Variants in U2SURP observed in about 807,000 individuals in gnomAD.
U2SURP encodes the protein U2 snRNP associated SURP domain containing.
In U2SURP, 9 loss-of-function variants were observed where a neutral mutation model predicts 144.9. That is an observed-to-expected ratio of 0.06 (90% confidence interval 0.04 to 0.11). The LOEUF is 0.11. Ranked by LOEUF, U2SURP falls within the 10% of genes least tolerant of loss-of-function variation. U2SURP has a pLI of 1.00. For synonymous variants in U2SURP, 408 were observed against 396.8 expected, an observed-to-expected ratio of 1.03 and a Z score of -0.33; for missense variants, 724 against 1,226.7, an observed-to-expected ratio of 0.59 and a Z score of 6.12.
At chr3:143,034,211 C>G (rs921019765) in intron 18 of U2SURP, among the ~76,000 whole-genome samples, 4 of 152,174 alleles carry the variant, frequency 2.6e-5, no homozygotes, top group African/African-American at 9.7e-5. Context: ...CGAGACCACC[C>G]TGGCCAACGT....
intron 6 of U2SURP, among the ~76,000 whole-genome samples, chr3:143,018,514 T>C (rs1024428688): frequency 3.3e-5 from 5 of 152,166 alleles, no homozygotes; most frequent in African/African-American, 1.2e-4. Context: ...TAAACATTCA[T>C]GTGTGGGCTT....
chr3:143,025,121 AATC>A (rs1933051133), intron 13 of U2SURP, among the ~76,000 whole-genome samples: 1 of 144,512 alleles, frequency 6.9e-6, no homozygotes, highest in Non-Finnish European at 1.6e-5. Flanking sequence ...GATTTTAAAT[AATC>A]ATGAAACATT....
At position 143,051,008 on chromosome 3, in the gene U2SURP, C is replaced by G. The variant is rs1934827115; in HGVS notation, c.2614C>G (p.Gln872Glu). 6.2e-7 allele frequency: 1 copy of G among 1,612,852 alleles called. No individual in the cohort carries two copies. Among genetic ancestry groups the G allele is most frequent in the African/African-American group, 1.3e-5 (1 of 74,870 alleles). The change falls in exon 25 of 28, where the codon CAG (glutamine) becomes GAG (glutamate). Residue 872 changes from glutamine (Q) to glutamate (E), a missense_variant. Coordinates refer to ENST00000473835, the MANE Select transcript of U2SURP (RefSeq NM_001080415.2). Reference protein sequence around the residue: ...KRPKKPGQSFQEQVEHYRDKL... With the variant: ...KRPKKPGQSFEEQVEHYRDKL... ...ACCTAAAAAACCAGGCCAGAGTTTT[C>G]AGGAGCAAGTAGAACACTACAGAGA...
intron 23 of U2SURP, among the ~76,000 whole-genome samples, chr3:143,042,094 A>G (rs1934146410): frequency 6.6e-6 from 1 of 152,070 alleles, no homozygotes; most frequent in South Asian, 2.1e-4. Context: ...AGCTTTACAC[A>G]CAGTTGCCTG....
At chr3:143,051,500 G>T (rs1313353654) in intron 25 of U2SURP, among the ~76,000 whole-genome samples, 4 of 149,224 alleles carry the variant, frequency 2.7e-5, no homozygotes, top group Admixed American at 1.4e-4. Context: ...TGAGCTCTGA[G>T]TGTTTGAGGG....
At chr3:143,025,573 G>A (rs562810967) in intron 13 of U2SURP, among the ~76,000 whole-genome samples, 2 of 151,926 alleles carry the variant, frequency 1.3e-5, no homozygotes, top group African/African-American at 2.4e-5. Context: ...TTACATTATC[G>A]CCCTTCCTTC....
At chr3:143,030,016 G>A (rs1933387816) in intron 16 of U2SURP, among the ~76,000 whole-genome samples, 1 of 152,190 alleles carries the variant, frequency 6.6e-6, no homozygotes, top group Non-Finnish European at 1.5e-5. Flanking sequence ...GCAGTGATTG[G>A]TTTTTGAGGT....
In U2SURP at chr3:143,044,289, CTT is replaced by C. The variant is rs56916268; in HGVS notation, c.2544+1029_2544+1030del. On this transcript the variant is annotated intron_variant, in intron 24 of 27. Transcript: ENST00000473835. ...TTTCCCTTTTCCCCTCTCCCCTCTC[CTT>C]TTTTTTTTTTTTTTTGAGACGGGGT... is the stretch of plus-strand genomic sequence containing the variant. Among the ~76,000 whole-genome samples, 70 of 81,372 alleles carry C rather than the reference CTT, an allele frequency of 8.6e-4. 1 individual carries two copies. The highest frequency in any genetic ancestry group is 2.0e-3 in the Admixed American group (13 of 6,432). 53.4% of individuals were successfully genotyped at this position (81,372 alleles called of 152,430 possible).
chr3:143,019,239 G>C (rs1936520235), intron 6 of U2SURP, among the ~76,000 whole-genome samples: 1 of 152,082 alleles, frequency 6.6e-6, no homozygotes, highest in East Asian at 1.9e-4. Flanking sequence ...GGTTGTCTTT[G>C]CATTTTCTTG....
At chr3:143,027,283 A>G (rs917779004) in intron 14 of U2SURP, 30 bp downstream of exon 14, 2 of 1,547,440 alleles carry the variant, frequency 1.3e-6, no homozygotes, top group East Asian at 2.2e-5. Flanking sequence ...TGTGAAATAT[A>G]TGTAACATAA....
At chr3:143,051,950 C>T (rs185444271) in intron 25 of U2SURP, among the ~76,000 whole-genome samples, 1 of 152,090 alleles carries the variant, frequency 6.6e-6, no homozygotes, top group Admixed American at 6.5e-5. Context: ...ATAGGCATCT[C>T]AATTAGGAGA....
intron 26 of U2SURP, 52 bp from the exon 27 acceptor site, chr3:143,054,891 A>C: frequency 1.3e-6 from 2 of 1,484,760 alleles, no homozygotes; most frequent in Non-Finnish European, 1.8e-6. Context: ...AGGAAAATGA[A>C]TACCCGATCC....
chr3:143,040,111 A>G (rs1934027956), intron 23 of U2SURP, among the ~76,000 whole-genome samples: 1 of 151,868 alleles, frequency 6.6e-6, no homozygotes, highest in Admixed American at 6.6e-5. Context: ...TAGTATACGT[A>G]CTCATAAAAT....
intron 12 of U2SURP, chr3:143,023,279 AC>A: frequency 2.1e-6 from 1 of 476,554 alleles, no homozygotes; most frequent in Non-Finnish European, 3.7e-6. Flanking sequence ...TCCTTTTTTG[AC>A]CACTTGTTAA....
chr3:143,006,408 G>A (rs1935835461), intron 1 of U2SURP, among the ~76,000 whole-genome samples: 1 of 152,094 alleles, frequency 6.6e-6, no homozygotes, highest in South Asian at 2.1e-4. Context: ...AGACTCTGTC[G>A]CTTGCCAGAT....
At position 143,059,627 on chromosome 3, in the gene U2SURP, T is replaced by C. The variant is rs1167848488; in HGVS notation, c.*3177T>C. ...GCCAAAGTGACTTAAACTGTTCTGA[T>C]GACCACACAGTGTGATTTCTTTAGC... On this transcript the variant is annotated 3_prime_UTR_variant, in exon 28 of 28. Coordinates refer to ENST00000473835, the MANE Select transcript of U2SURP (RefSeq NM_001080415.2). 1.3e-5 allele frequency: 2 copies of C among 151,966 alleles called. No homozygotes were observed. Among genetic ancestry groups the C allele is most frequent in the East Asian group, 3.8e-4 (2 of 5,202 alleles). The allele number at this position is 151,966 out of a possible 1,614,324, so 9.4% of individuals were successfully genotyped here.
At position 143,058,826 on chromosome 3, in the gene U2SURP, G is replaced by A. The variant is rs1234235656; in HGVS notation, c.*2376G>A. On this transcript the variant is annotated 3_prime_UTR_variant, in exon 28 of 28. Transcript: ENST00000473835. ...TATAGGTTGACTAGAATGTTCATAA[G>A]CATGGTCTTCCAGTTGCAGGAAAGA... 1 of 151,906 alleles carries A rather than the reference G, an allele frequency of 6.6e-6. No homozygotes were observed. The highest frequency in any genetic ancestry group is 2.4e-5 in the African/African-American group (1 of 41,422). The allele number at this position is 151,906 out of a possible 1,614,324, so 9.4% of individuals were successfully genotyped here. A position where few individuals can be genotyped will look rare whatever the true frequency, so the allele number is the denominator to read the frequency against.
chr3:143,018,576 C>T (rs1422553065), intron 6 of U2SURP, among the ~76,000 whole-genome samples: 3 of 151,992 alleles, frequency 2.0e-5, no homozygotes, highest in Non-Finnish European at 4.4e-5. Flanking sequence ...TATATACACA[C>T]ACCGAGAAGT....
chr3:143,046,459 A>G (rs1934462570), intron 24 of U2SURP, among the ~76,000 whole-genome samples: 1 of 126,574 alleles, frequency 7.9e-6, no homozygotes, highest in Non-Finnish European at 1.6e-5. Context: ...TAGGCAGAGG[A>G]CCCTGCGGCC....
Sources: gnomAD v4.1 joint callset for allele counts (sites outside exome capture counted in the v4.1 genomes callset) on GRCh38, gnomAD v4.1.1 for gene constraint, MANE v1.5 for transcripts, NCBI Gene and HGNC (gene_info 2026-07-23, HGNC 2026-07-21) for gene names.